TCF12: variants seen among roughly 807,000 people sequenced by gnomAD.
The protein encoded by TCF12 is transcription factor 12.
In TCF12, 45 loss-of-function variants were observed where a neutral mutation model predicts 86.0. The observed-to-expected ratio is 0.52, with a 90% CI of 0.41 to 0.67. The LOEUF (loss-of-function observed/expected upper bound fraction) is 0.67. Among genes scored for constraint, TCF12 ranks in the 30% least tolerant of loss-of-function variants. TCF12 has a pLI of 0.00. For missense variants in TCF12, 881 were observed against 859.9 expected (o/e 1.02, Z -0.31); for synonymous variants, 330 against 299.6 (o/e 1.10, Z -1.05).
At chr15:56,940,802 C>G (rs767620845) in intron 3 of TCF12, among the ~76,000 whole-genome samples, 5 of 146,510 alleles carry the variant, frequency 3.4e-5, no homozygotes, top group South Asian at 2.2e-4. Flanking sequence ...GTTGCCCAGG[C>G]TGGGGTACAG....
chr15:57,247,033 C>T, intron 13 of TCF12: 1 of 549,614 alleles, frequency 1.8e-6, no homozygotes, highest in Non-Finnish European at 3.6e-6. Context: ...CCAAAAGTGC[C>T]CCCTTTCATG....
At chr15:57,076,200 T>G (rs2070020859) in intron 4 of TCF12, among the ~76,000 whole-genome samples, 1 of 151,968 alleles carries the variant, frequency 6.6e-6, no homozygotes, top group Non-Finnish European at 1.5e-5. Flanking sequence ...TTGAATAAGA[T>G]CATAGTTTCT....
At chr15:57,122,117 A>G (rs1300749146) in intron 5 of TCF12, among the ~76,000 whole-genome samples, 1 of 143,428 alleles carries the variant, frequency 7.0e-6, no homozygotes, top group Non-Finnish European at 1.5e-5. Context: ...AAAAAAAACC[A>G]CCCCCAAACC....
intron 3 of TCF12, among the ~76,000 whole-genome samples, chr15:56,979,205 T>C (rs1567197211): frequency 6.6e-6 from 1 of 152,220 alleles, no homozygotes; most frequent in African/African-American, 2.4e-5. Flanking sequence ...ATTGAGTCTT[T>C]AGGATAAGAA....
intron 5 of TCF12, among the ~76,000 whole-genome samples, chr15:57,160,170 C>T (rs1302770435): frequency 6.6e-6 from 1 of 152,170 alleles, no homozygotes; most frequent in East Asian, 1.9e-4. Flanking sequence ...CTAATGAAGA[C>T]ATACCTGGGA....
chr15:57,093,619 C>T (rs1348019980), intron 5 of TCF12, among the ~76,000 whole-genome samples: 1 of 152,178 alleles, frequency 6.6e-6, no homozygotes, highest in African/African-American at 2.4e-5. Flanking sequence ...CAGTCAGTTG[C>T]TCTGAGCAGA....
At chr15:57,029,193 T>C (rs2141328657) in intron 3 of TCF12, among the ~76,000 whole-genome samples, 1 of 152,280 alleles carries the variant, frequency 6.6e-6, no homozygotes, top group African/African-American at 2.4e-5. Flanking sequence ...ACTACATAAT[T>C]GGTTGTTCCA....
intron 6 of TCF12, among the ~76,000 whole-genome samples, chr15:57,185,563 G>T (rs2056618777): frequency 6.6e-6 from 1 of 152,002 alleles, no homozygotes; most frequent in South Asian, 2.1e-4. Context: ...GAGACAAGAA[G>T]GACAATATGG....
chr15:57,247,455 T>G (rs1265636599), intron 13 of TCF12: 1 of 713,886 alleles, frequency 1.4e-6, no homozygotes, highest in Non-Finnish European at 2.6e-6. Flanking sequence ...AGGGCCTTTT[T>G]TACTTCACAG....
In TCF12 at chr15:57,231,157, T is replaced by C. The variant is rs1404481310; in HGVS notation, c.585T>C (p.Tyr195=). 2.5e-6 allele frequency: 4 copies of C among 1,610,854 alleles called. No homozygotes were observed. The highest frequency in any genetic ancestry group is 1.3e-5 in the African/African-American group (1 of 74,834). ...KVPPGLPSSV[Y]APSPNSDDFN... is the part of the protein sequence containing the mutation. Reference sequence around the variant, plus strand: ...ATGTGCTGTTTAATTTTAAGGTATATGCACCATCCCCAAATTCAGATGATT... The same window carrying C: ...ATGTGCTGTTTAATTTTAAGGTATACGCACCATCCCCAAATTCAGATGATT... Residue 195 remains tyrosine (Y), a synonymous_variant, in exon 9 of 21, where the codon TAT becomes TAC. Transcript: ENST00000333725.
Position 57,012,336 on chromosome 15 carries a change from G to A in TCF12, c.149-51414G>A, listed in dbSNP as rs187702734. Among the ~76,000 whole-genome samples, 25 of 152,216 alleles carry A rather than the reference G, an allele frequency of 1.6e-4. No homozygotes were observed. In the East Asian group the frequency reaches 4.6e-3, roughly 28 times the overall value. The stretch of plus-strand genomic sequence containing the variant: ...AGATATTTAATATGTTCATAACTTG[G>A]TATGTATTTTTTTAAAGGAAAATAT... On this transcript the variant is annotated intron_variant, in intron 3 of 20. Coordinates refer to ENST00000333725, the MANE Select transcript of TCF12 (RefSeq NM_207037.2).
intron 3 of TCF12, among the ~76,000 whole-genome samples, chr15:56,926,053 T>G (rs2059997919): frequency 6.6e-6 from 1 of 152,244 alleles, no homozygotes; most frequent in Non-Finnish European, 1.5e-5. Flanking sequence ...GGCTCACGCC[T>G]GTAATCACAG....
At chr15:57,248,456 C>G (rs1392177644) in intron 13 of TCF12, among the ~76,000 whole-genome samples, 8 of 152,174 alleles carry the variant, frequency 5.3e-5, no homozygotes, top group Non-Finnish European at 8.8e-5. Flanking sequence ...GCTTGGAAGG[C>G]AAACAAGCAA....
chr15:57,113,642 T>A (rs1416928929), intron 5 of TCF12, among the ~76,000 whole-genome samples: 1 of 151,988 alleles, frequency 6.6e-6, no homozygotes, highest in African/African-American at 2.4e-5. Context: ...GAACTCCTGT[T>A]GAAAAGTAAA....
At chr15:56,970,739 A>C (rs2062266137) in intron 3 of TCF12, among the ~76,000 whole-genome samples, 1 of 151,996 alleles carries the variant, frequency 6.6e-6, no homozygotes, top group South Asian at 2.1e-4. Flanking sequence ...TTACAAAGTC[A>C]AAAGACAGAT....
intron 13 of TCF12, among the ~76,000 whole-genome samples, chr15:57,248,429 A>G (rs529092139): frequency 9.1e-4 from 139 of 152,372 alleles, no homozygotes; most frequent in African/African-American, 3.0e-3. Flanking sequence ...CAGTAAGAGA[A>G]TAAGTTTACT....
At chr15:57,249,580 C>A (rs1426305508) in intron 13 of TCF12, among the ~76,000 whole-genome samples, 1 of 152,018 alleles carries the variant, frequency 6.6e-6, no homozygotes, top group Non-Finnish European at 1.5e-5. Flanking sequence ...TTGATGAATA[C>A]ACTTACTACA....
intron 8 of TCF12, among the ~76,000 whole-genome samples, chr15:57,222,510 C>G (rs572779727): frequency 4.5e-4 from 69 of 151,848 alleles, no homozygotes; most frequent in South Asian, 3.3e-3. Context: ...TATTCTTTAT[C>G]ATGTTGTAAG....
At chr15:57,046,126 CT>C (rs1358864726) in intron 3 of TCF12, among the ~76,000 whole-genome samples, 1 of 152,170 alleles carries the variant, frequency 6.6e-6, no homozygotes, top group Non-Finnish European at 1.5e-5. Flanking sequence ...ACTTAAACGC[CT>C]TACCAACATC....
Sources: gnomAD v4.1 joint callset for allele counts (sites outside exome capture counted in the v4.1 genomes callset) on GRCh38, gnomAD v4.1.1 for gene constraint, MANE v1.5 for transcripts, NCBI Gene and HGNC (gene_info 2026-07-23, HGNC 2026-07-21) for gene names.